The following LARS2 variants were observed in gnomAD, a reference collection of about 807,000 sequenced individuals.
The protein encoded by LARS2 is leucine--tRNA ligase, mitochondrial.
A neutral mutation model predicts 116.6 loss-of-function variants in LARS2; 81 were observed. That is an observed-to-expected ratio of 0.69 (90% confidence interval 0.58 to 0.84). LARS2 has a LOEUF of 0.84. Ranked by LOEUF, LARS2 falls within the 40% of genes least tolerant of loss-of-function variation. The pLI, the probability that LARS2 is intolerant of heterozygous loss-of-function variation, is 0.00. For missense variants in LARS2, 968 were observed against 1,114.5 expected (o/e 0.87, Z 1.87); for synonymous variants, 396 against 407.2 (o/e 0.97, Z 0.33).
intron 20 of LARS2, among the ~76,000 whole-genome samples, chr3:45,532,885 G>A (rs1044269053): frequency 5.9e-5 from 9 of 152,120 alleles, no homozygotes; most frequent in Non-Finnish European, 7.4e-5. Context: ...CAGGTGGTCC[G>A]CCCACCTCAG....
At chr3:45,526,077 G>A (rs548090897) in intron 20 of LARS2, among the ~76,000 whole-genome samples, 20 of 152,276 alleles carry the variant, frequency 1.3e-4, no homozygotes, top group South Asian at 1.2e-3. Context: ...AGGAGGTGAG[G>A]AAAGATGGGA....
At chr3:45,485,168 C>T (rs139166846) in intron 10 of LARS2, among the ~76,000 whole-genome samples, 77 of 152,264 alleles carry the variant, frequency 5.1e-4, no homozygotes, top group South Asian at 2.5e-3. Flanking sequence ...TTGATTTACC[C>T]CTTCATTTTG....
At chr3:45,508,248 C>T (rs141563252) in intron 15 of LARS2, among the ~76,000 whole-genome samples, 3 of 152,106 alleles carry the variant, frequency 2.0e-5, no homozygotes, top group Non-Finnish European at 2.9e-5. Context: ...GCCTGCTGAC[C>T]GTGGAGAGCA....
chr3:45,482,778 T>C (rs1699726953), intron 10 of LARS2, among the ~76,000 whole-genome samples: 1 of 152,226 alleles, frequency 6.6e-6, no homozygotes, highest in Non-Finnish European at 1.5e-5. Flanking sequence ...AACAGGAGTT[T>C]ATTCTACCTA....
At chr3:45,452,721 C>A (rs1051008103) in intron 7 of LARS2, among the ~76,000 whole-genome samples, 3 of 152,046 alleles carry the variant, frequency 2.0e-5, no homozygotes, top group Non-Finnish European at 4.4e-5. Flanking sequence ...TGGAAGAATT[C>A]CCTCTTTCTA....
At chr3:45,410,737 A>G (rs1698318432) in intron 4 of LARS2, among the ~76,000 whole-genome samples, 1 of 152,242 alleles carries the variant, frequency 6.6e-6, no homozygotes, top group Non-Finnish European at 1.5e-5. Context: ...ACCAAGGAGA[A>G]AAGAGAGCCC....
At chr3:45,390,135 TA>T (rs977210566) in intron 1 of LARS2, among the ~76,000 whole-genome samples, 39 of 152,292 alleles carry the variant, frequency 2.6e-4, no homozygotes, top group Non-Finnish European at 3.4e-4. Context: ...AGCAGTTGTT[TA>T]AAAAATGCAT....
At chr3:45,419,590 C>T in intron 5 of LARS2, 79 bp from the exon 6 acceptor site, 2 of 1,025,466 alleles carry the variant, frequency 2.0e-6, no homozygotes, top group Non-Finnish European at 3.0e-6. Context: ...TTCAGTTTCC[C>T]TTTACATTCT....
intron 15 of LARS2, among the ~76,000 whole-genome samples, chr3:45,507,868 A>G (rs908786119): frequency 6.6e-6 from 1 of 152,046 alleles, no homozygotes; most frequent in Non-Finnish European, 1.5e-5. Flanking sequence ...TATCATTTAC[A>G]GTATGGTATA....
In LARS2 at chr3:45,524,000, G is replaced by A. The variant is rs1157159929; in HGVS notation, c.2296G>A (p.Ala766Thr). 4 of 1,612,778 alleles carry A rather than the reference G, an allele frequency of 2.5e-6. No homozygotes were observed. The South Asian group carries it at 3.3e-5, about 13-fold the overall frequency. ...LMGLSNALSQ[A>T]SQSVILHSPE... ...ACTTTTTTTTCCTCTTCCTTAGCAA[G>A]CCTCTCAGAGCGTCATTCTCCACAG... Residue 766 changes from alanine (A) to threonine (T), a missense_variant, in exon 20 of 22, where the codon GCC becomes ACC. Coordinates refer to ENST00000645846, the MANE Select transcript of LARS2 (RefSeq NM_015340.4).
chr3:45,411,664 T>C (rs1698334069), intron 4 of LARS2, among the ~76,000 whole-genome samples: 1 of 152,250 alleles, frequency 6.6e-6, no homozygotes, highest in Non-Finnish European at 1.5e-5. Context: ...TAATCATTTC[T>C]ATTTTCTTTC....
At chr3:45,477,698 A>G (rs942580558) in intron 10 of LARS2, among the ~76,000 whole-genome samples, 3 of 152,222 alleles carry the variant, frequency 2.0e-5, no homozygotes, top group Non-Finnish European at 4.4e-5. Flanking sequence ...TCTCATCCCT[A>G]TTCTCTTTCA....
rs753749871 is a variant in LARS2, at chr3:45,476,530, T to A, written c.921T>A (p.Tyr307Ter). 6.2e-7 allele frequency: 1 copy of A among 1,614,134 alleles called. No homozygotes were observed. Among genetic ancestry groups the A allele is most frequent in the Non-Finnish European group, 8.5e-7 (1 of 1,180,040 alleles). The change falls in exon 10 of 22, where the codon TAT (tyrosine) becomes TAA (stop). Residue 307 changes from tyrosine (Y) to a stop codon, truncating the protein, a stop_gained. Coordinates refer to ENST00000645846, the MANE Select transcript of LARS2 (RefSeq NM_015340.4). LOFTEE classifies it high-confidence loss of function. Reference protein sequence around the residue: ...TAYTATPEAIYGTSHVAISPS... With the variant: ...TAYTATPEAI ...ATACGGCCACCCCTGAAGCCATTTA[T>A]GGCACCTCCCACGTGGCCATCTCGC... is the stretch of plus-strand genomic sequence containing the variant.
At position 45,485,781 on chromosome 3, in the gene LARS2, C is replaced by A. The variant is rs1699797834; in HGVS notation, c.1108C>A (p.Leu370Met). Residue 370 changes from leucine (L) to methionine (M), a missense_variant, in exon 11 of 22, where the codon CTG becomes ATG. Physicochemically the swap from Leu to Met is conservative, Grantham distance 15 (BLOSUM62 2). Coordinates refer to ENST00000645846, the MANE Select transcript of LARS2 (RefSeq NM_015340.4). ...GGCCAAAGCTGACTTGGAAGGCTCT[C>A]TGGATTCAAAAATAGGTAAGCAGCT... The part of the protein sequence containing the change: ...ILAKADLEGS[L>M]DSKIGIPSTS... 1.9e-6 allele frequency: 3 copies of A among 1,606,500 alleles called. No homozygotes were observed. Among genetic ancestry groups the A allele is most frequent in the African/African-American group, 2.7e-5 (2 of 74,680 alleles).
chr3:45,415,876 TAGAGAGAGAGAGAGAGGGAGAG>T (rs1208397793), intron 4 of LARS2, among the ~76,000 whole-genome samples: 1,251 of 68,866 alleles, frequency 0.018, 19 homozygotes, highest in African/African-American at 0.047. Context: ...TATATATATA[TAGAGAGAGAGAGAGAGGGAGAG>T]AGAGAGAGAG....
At chr3:45,393,784 A>G (rs1449638345) in intron 2 of LARS2, among the ~76,000 whole-genome samples, 1 of 152,162 alleles carries the variant, frequency 6.6e-6, no homozygotes, top group Non-Finnish European at 1.5e-5. Context: ...TGATTATGCC[A>G]CTGCACTCCA....
chr3:45,487,935 A>T (rs1312931519), intron 11 of LARS2, among the ~76,000 whole-genome samples: 1 of 152,180 alleles, frequency 6.6e-6, no homozygotes, highest in East Asian at 1.9e-4. Context: ...TGGGAACAAA[A>T]CATAGTTACC....
chr3:45,510,847 C>T (rs550112714), intron 15 of LARS2, among the ~76,000 whole-genome samples: 44 of 152,162 alleles, frequency 2.9e-4, no homozygotes, highest in Non-Finnish European at 6.0e-4. Flanking sequence ...GTTCAGTGAT[C>T]GTAAACAGGC....
chr3:45,511,957 G>A (rs1363761648), intron 15 of LARS2, among the ~76,000 whole-genome samples: 1 of 151,840 alleles, frequency 6.6e-6, no homozygotes, highest in Non-Finnish European at 1.5e-5. Flanking sequence ...TTGTATTTTA[G>A]TAGAGACGGG....
Sources: allele counts gnomAD v4.1 joint callset (sites outside exome capture counted in the v4.1 genomes callset), GRCh38; gene constraint gnomAD v4.1.1; transcripts MANE v1.5; gene names NCBI Gene and HGNC (gene_info 2026-07-23, HGNC 2026-07-21).